Variants in FOXP2 observed in about 807,000 individuals in gnomAD.
FOXP2 encodes the protein forkhead box protein P2.
A neutral mutation model predicts 115.8 loss-of-function variants in FOXP2; 12 were observed. That is an observed-to-expected ratio of 0.10 (90% CI 0.07 to 0.17). The LOEUF (loss-of-function observed/expected upper bound fraction) is 0.17. Ranked by LOEUF, FOXP2 falls within the 10% of genes least tolerant of loss-of-function variation. The probability of loss-of-function intolerance (pLI) is 1.00; values close to 1 mark genes in which losing one functional copy is unlikely to be tolerated. For synonymous variants in FOXP2, 328 were observed against 297.7 expected (o/e 1.10, Z -1.05); for missense variants, 629 against 843.5 (o/e 0.75, Z 3.15).
intron 2 of FOXP2, among the ~76,000 whole-genome samples, chr7:114,322,683 T>A (rs952830870): frequency 6.6e-6 from 1 of 152,122 alleles, no homozygotes; most frequent in African/African-American, 2.4e-5. Context: ...TGAAACCAGA[T>A]TTTTCTAAGG....
intron 2 of FOXP2, among the ~76,000 whole-genome samples, chr7:114,534,217 T>C (rs546992897): frequency 6.6e-6 from 1 of 152,004 alleles, no homozygotes; most frequent in African/African-American, 2.4e-5. Context: ...CAGCTTCCGG[T>C]AACACTTGAA....
At chr7:114,286,313 C>T (rs1796466467) in intron 1 of FOXP2, among the ~76,000 whole-genome samples, 1 of 151,716 alleles carries the variant, frequency 6.6e-6, no homozygotes, top group Admixed American at 6.6e-5. Context: ...CTCTCTTTGC[C>T]CTTCATTTTT....
intron 6 of FOXP2, 78 bp from the exon 7 acceptor site, chr7:114,642,332 C>A: frequency 1.8e-6 from 2 of 1,089,798 alleles, no homozygotes; most frequent in Non-Finnish European, 1.4e-6. Flanking sequence ...TGGTATTAAT[C>A]TATTAATAAC....
At chr7:114,301,442 T>C (rs1796877548) in intron 2 of FOXP2, among the ~76,000 whole-genome samples, 1 of 152,068 alleles carries the variant, frequency 6.6e-6, no homozygotes, top group African/African-American at 2.4e-5. Flanking sequence ...ACGTTAACAG[T>C]GTCTCAAATT....
intron 2 of FOXP2, among the ~76,000 whole-genome samples, chr7:114,442,038 T>C (rs1407710508): frequency 6.6e-6 from 1 of 152,162 alleles, no homozygotes; most frequent in African/African-American, 2.4e-5. Context: ...CTTATTTACA[T>C]ATATTTATAA....
At chr7:114,592,812 C>A (rs1265234192) in intron 3 of FOXP2, among the ~76,000 whole-genome samples, 1 of 152,006 alleles carries the variant, frequency 6.6e-6, no homozygotes, top group Non-Finnish European at 1.5e-5. Context: ...CTTGATGTTT[C>A]TGTGAATGTC....
At chr7:114,660,896 A>G (rs1192655614) in intron 13 of FOXP2, among the ~76,000 whole-genome samples, 1 of 152,114 alleles carries the variant, frequency 6.6e-6, no homozygotes, top group Non-Finnish European at 1.5e-5. Context: ...GGATCCAGCA[A>G]AACTCATTCT....
chr7:114,128,836 AT>A (rs1791797269), intron 1 of FOXP2, among the ~76,000 whole-genome samples: 1 of 152,134 alleles, frequency 6.6e-6, no homozygotes, highest in African/African-American at 2.4e-5. Context: ...GGAAACCAGA[AT>A]TTTTAAACAA....
chr7:114,129,260 A>T (rs1450834), intron 1 of FOXP2, among the ~76,000 whole-genome samples: 1 of 152,174 alleles, frequency 6.6e-6, no homozygotes, highest in Non-Finnish European at 1.5e-5. Context: ...AAATTCAAGG[A>T]TTTTAACTGC....
At chr7:114,677,172 C>CAA (rs538753120) in intron 16 of FOXP2, among the ~76,000 whole-genome samples, 7 of 52,910 alleles carry the variant, frequency 1.3e-4, no homozygotes, top group Non-Finnish European at 2.7e-4. Context: ...TCTCAAAAAA[C>CAA]AAAAAAAAAA....
intron 16 of FOXP2, among the ~76,000 whole-genome samples, chr7:114,673,238 C>G (rs1807590114): frequency 6.6e-6 from 1 of 152,134 alleles, no homozygotes; most frequent in Non-Finnish European, 1.5e-5. Context: ...AGATCCACAG[C>G]TGAATGTTTA....
At chr7:114,223,171 C>T (rs1794664481) in intron 1 of FOXP2, among the ~76,000 whole-genome samples, 1 of 152,038 alleles carries the variant, frequency 6.6e-6, no homozygotes, top group African/African-American at 2.4e-5. Context: ...ATTTAGAAAA[C>T]AATGCCAAAT....
chr7:114,350,172 C>T (rs904686180), intron 2 of FOXP2, among the ~76,000 whole-genome samples: 1 of 152,058 alleles, frequency 6.6e-6, no homozygotes, highest in African/African-American at 2.4e-5. Context: ...GATATTTGTG[C>T]AGAACGAGCA....
At chr7:114,516,707 T>TC (rs1798362785) in intron 2 of FOXP2, among the ~76,000 whole-genome samples, 1 of 151,896 alleles carries the variant, frequency 6.6e-6, no homozygotes, top group African/African-American at 2.4e-5. Flanking sequence ...TTTTTTGTTT[T>TC]TTTTTTGAGA....
At chr7:114,364,488 A>G (rs1289270841) in intron 2 of FOXP2, among the ~76,000 whole-genome samples, 1 of 152,210 alleles carries the variant, frequency 6.6e-6, no homozygotes, top group Non-Finnish European at 1.5e-5. Flanking sequence ...CTAATGGACA[A>G]CACATGGTTG....
chr7:114,664,247 G>T, intron 15 of FOXP2, 26 bp from the exon 16 acceptor site: 1 of 1,611,268 alleles, frequency 6.2e-7, no homozygotes, highest in Non-Finnish European at 8.5e-7. Flanking sequence ...TTTGAAAGTT[G>T]TTTTACACAA....
At chr7:114,530,394 T>C (rs527710147) in intron 2 of FOXP2, among the ~76,000 whole-genome samples, 3 of 152,034 alleles carry the variant, frequency 2.0e-5, no homozygotes, top group Admixed American at 1.3e-4. Flanking sequence ...ACATTGAAGA[T>C]ATTAATGGGC....
chr7:114,094,109 T>G (rs550917680), intron 1 of FOXP2, among the ~76,000 whole-genome samples: 12 of 152,312 alleles, frequency 7.9e-5, no homozygotes, highest in East Asian at 1.9e-4. Context: ...TAGATGACTT[T>G]ACTTCTTTGC....
At chr7:114,265,964 A>AT (rs1795884378) in intron 1 of FOXP2, among the ~76,000 whole-genome samples, 2 of 150,404 alleles carry the variant, frequency 1.3e-5, no homozygotes, top group African/African-American at 2.5e-5. Flanking sequence ...CCCCAAATTC[A>AT]TTTTTTCCTC....
Sources: gnomAD v4.1 joint callset for allele counts (sites outside exome capture counted in the v4.1 genomes callset) on GRCh38, gnomAD v4.1.1 for gene constraint, MANE v1.5 for transcripts, NCBI Gene and HGNC (gene_info 2026-07-23, HGNC 2026-07-21) for gene names.